PCDHA8: variants seen among roughly 807,000 people sequenced by gnomAD.
PCDHA8 encodes protocadherin alpha 8.
In PCDHA8, 53 loss-of-function variants were observed where a neutral mutation model predicts 61.8. The observed-to-expected ratio is 0.86, with a 90% CI of 0.69 to 1.08. The LOEUF (loss-of-function observed/expected upper bound fraction) is 1.08. Among genes scored for constraint, PCDHA8 ranks in the 50% least tolerant of loss-of-function variants. The pLI, the probability that PCDHA8 is intolerant of heterozygous loss-of-function variation, is 0.00. For synonymous variants in PCDHA8, 618 were observed against 556.6 expected (o/e 1.11, Z -1.55); for missense variants, 1,293 against 1,245.0 (o/e 1.04, Z -0.58).
At chr5:141,007,712 A>G (rs2098342161) in intron 3 of PCDHA8, among the ~76,000 whole-genome samples, 1 of 152,170 alleles carries the variant, frequency 6.6e-6, no homozygotes, top group Non-Finnish European at 1.5e-5. Context: ...GCCTCCCACC[A>G]CCAGGGAGAA....
intron 1 of PCDHA8, among the ~76,000 whole-genome samples, chr5:140,885,868 A>G (rs1347875524): frequency 6.6e-6 from 1 of 152,202 alleles, no homozygotes; most frequent in Admixed American, 6.5e-5. Context: ...TCTATTGAAA[A>G]AAAATTTTTA....
chr5:140,921,101 C>T (rs1331761775), intron 1 of PCDHA8, among the ~76,000 whole-genome samples: 3 of 152,002 alleles, frequency 2.0e-5, no homozygotes, highest in African/African-American at 4.8e-5. Context: ...CTGCCTCAGT[C>T]TCCTAAGTAG....
intron 1 of PCDHA8, chr5:140,857,586 G>A: frequency 6.3e-7 from 1 of 1,596,656 alleles, no homozygotes; most frequent in Non-Finnish European, 8.6e-7. Flanking sequence ...CACGCGGAGA[G>A]CGGCAAGGTG....
chr5:140,915,373 C>T (rs1234241584), intron 1 of PCDHA8, among the ~76,000 whole-genome samples: 12 of 152,126 alleles, frequency 7.9e-5, no homozygotes, highest in African/African-American at 2.2e-4. Flanking sequence ...GTAAGTGTCT[C>T]GGCATTGAAG....
intron 1 of PCDHA8, among the ~76,000 whole-genome samples, chr5:140,943,827 A>T (rs1474835023): frequency 2.0e-5 from 3 of 152,208 alleles, no homozygotes; most frequent in Non-Finnish European, 4.4e-5. Flanking sequence ...AAATGAGTTG[A>T]TTGAAGTTGT....
intron 1 of PCDHA8, chr5:140,852,259 C>G: frequency 2.0e-6 from 1 of 509,052 alleles, no homozygotes; most frequent in Non-Finnish European, 2.6e-6. Flanking sequence ...TTGGAATATG[C>G]TACAATATTA....
intron 1 of PCDHA8, among the ~76,000 whole-genome samples, chr5:140,935,456 C>G (rs981681011): frequency 6.6e-6 from 1 of 152,150 alleles, no homozygotes; most frequent in Non-Finnish European, 1.5e-5. Flanking sequence ...GATACTGTAG[C>G]AGTTTAAGTT....
intron 1 of PCDHA8, chr5:140,877,662 C>T: frequency 6.2e-7 from 1 of 1,613,558 alleles, no homozygotes; most frequent in Non-Finnish European, 8.5e-7. Context: ...CCACCGTGAG[C>T]CGGTGCGCGC....
intron 1 of PCDHA8, chr5:140,969,215 C>T: frequency 6.2e-7 from 1 of 1,614,128 alleles, no homozygotes; most frequent in East Asian, 2.2e-5. Flanking sequence ...CCAGACAGGA[C>T]CAGGGCCTTC....
intron 1 of PCDHA8, among the ~76,000 whole-genome samples, chr5:140,914,395 C>G (rs781878941): frequency 6.6e-6 from 1 of 152,082 alleles, no homozygotes; most frequent in African/African-American, 2.4e-5. Context: ...TGTAGTTACC[C>G]CTGCTCCTGT....
chr5:140,849,747 G>A (rs2150448012), intron 1 of PCDHA8: 2 of 1,598,328 alleles, frequency 1.3e-6, no homozygotes, highest in South Asian at 1.1e-5. Flanking sequence ...CCGCGAGAGT[G>A]TGTCCGCCTA....
intron 1 of PCDHA8, among the ~76,000 whole-genome samples, chr5:140,913,735 G>A (rs1416656981): frequency 6.6e-6 from 1 of 151,834 alleles, no homozygotes; most frequent in Non-Finnish European, 1.5e-5. Context: ...CCCTCTAATA[G>A]TACTCCTTTT....
chr5:140,858,651 T>A, intron 1 of PCDHA8: 1 of 830,780 alleles, frequency 1.2e-6, no homozygotes, highest in Non-Finnish European at 1.8e-6. Context: ...GTACTTAAAT[T>A]TTTTTAAATA....
chr5:140,858,391 T>C lies in PCDHA8; in HGVS notation c.2394+14676T>C, dbSNP rs1214576702. On this transcript the variant is annotated intron_variant, in intron 1 of 3. Transcript: ENST00000531613. ...GCCTTCCACCATGCCCAATGGTAGA[T>C]GTGGACGGGGAAGATCAGTCTATTG... is the stretch of plus-strand genomic sequence containing the variant. 12 of 1,577,710 alleles carry C rather than the reference T, an allele frequency of 7.6e-6. 1 individual carries two copies. Among genetic ancestry groups the C allele is most frequent in the African/African-American group, 1.4e-5 (1 of 74,060 alleles).
chr5:140,938,034 A>G (rs541380016), intron 1 of PCDHA8, among the ~76,000 whole-genome samples: 2 of 152,160 alleles, frequency 1.3e-5, no homozygotes, highest in South Asian at 4.2e-4. Flanking sequence ...TCATATTTTT[A>G]TATTTTGGGT....
chr5:140,882,998 C>T, intron 1 of PCDHA8: 1 of 1,614,066 alleles, frequency 6.2e-7, no homozygotes. Context: ...GGAATTTTAC[C>T]AATCCGTTTA....
rs2150351365 is a variant in PCDHA8, at chr5:140,843,056, A to G, written c.1735A>G (p.Lys579Glu). 0.49 allele frequency: 779,075 copies of G among 1,594,132 alleles called. 229,035 individuals carry two copies. The highest frequency in any genetic ancestry group is 0.71 in the African/African-American group (52,472 of 74,318). ...RVGGTGGAAS[K>E]LVPRSVGAGH... is the part of the protein sequence containing the mutation. ...GGGTGGCACTGGTGGCGCAGCGAGC[A>G]AGCTGGTGCCGCGGTCTGTGGGCGC... The change falls in exon 1 of 4, where the codon AAG (lysine) becomes GAG (glutamate). Residue 579 changes from lysine to glutamate, a missense_variant. Transcript: ENST00000531613.
Position 141,011,614 on chromosome 5 carries a change from T to C in PCDHA8, c.*1677T>C, listed in dbSNP as rs1268321894. On this transcript the variant is annotated 3_prime_UTR_variant, in exon 4 of 4. Transcript: ENST00000531613. ...GTGATTCAAGGAATTTTATTTATGG[T>C]CCAGCCAAGAGCCATCTCGTGCCAA... 5 of 153,774 alleles carry C rather than the reference T, an allele frequency of 3.3e-5. No individual in the cohort carries two copies. Among genetic ancestry groups the C allele is most frequent in the African/African-American group, 1.2e-4 (5 of 41,460 alleles). 9.5% of individuals were successfully genotyped at this position (153,774 alleles called of 1,614,324 possible). A position where few individuals can be genotyped will look rare whatever the true frequency, so the allele number is the denominator to read the frequency against.
intron 3 of PCDHA8, among the ~76,000 whole-genome samples, chr5:141,004,025 A>G (rs191768123): frequency 1.3e-5 from 2 of 152,316 alleles, no homozygotes; most frequent in Non-Finnish European, 2.9e-5. Context: ...AAGAAGAAAC[A>G]TTTCCTTGAT....
Sources: gnomAD v4.1 joint callset for allele counts (sites outside exome capture counted in the v4.1 genomes callset) on GRCh38, gnomAD v4.1.1 for gene constraint, MANE v1.5 for transcripts, NCBI Gene and HGNC (gene_info 2026-07-23, HGNC 2026-07-21) for gene names.